The following CBFA2T2 variants were observed in gnomAD, a reference collection of about 807,000 sequenced individuals.
The protein encoded by CBFA2T2 is CBFA2/RUNX1 partner transcriptional co-repressor 2, also known as protein CBFA2T2.
Under a neutral mutation model 62.2 loss-of-function variants are expected in CBFA2T2, and 11 were observed. That is an observed-to-expected ratio of 0.18 (90% CI 0.11 to 0.29). The LOEUF (loss-of-function observed/expected upper bound fraction) is 0.29. Ranked by LOEUF, CBFA2T2 falls within the 10% of genes least tolerant of loss-of-function variation. The pLI, the probability that CBFA2T2 is intolerant of heterozygous loss-of-function variation, is 1.00. For synonymous variants in CBFA2T2, 295 were observed against 287.5 expected (o/e 1.03, Z -0.27); for missense variants, 592 against 774.1 (o/e 0.76, Z 2.79).
At chr20:33,581,132 C>T (rs970719245) in intron 1 of CBFA2T2, among the ~76,000 whole-genome samples, 4 of 151,722 alleles carry the variant, frequency 2.6e-5, no homozygotes, top group East Asian at 1.9e-4. Context: ...GGCGTGATCT[C>T]GGTGCACTGA....
chr20:33,503,976 C>T (rs1001013268), intron 1 of CBFA2T2, among the ~76,000 whole-genome samples: 7 of 152,058 alleles, frequency 4.6e-5, no homozygotes, highest in African/African-American at 1.7e-4. Context: ...TTCATTCTTC[C>T]TGTAAGTTTT....
chr20:33,507,510 C>G (rs1380290821), intron 1 of CBFA2T2, among the ~76,000 whole-genome samples: 2 of 152,170 alleles, frequency 1.3e-5, no homozygotes, highest in African/African-American at 4.8e-5. Context: ...GCTAATTTAA[C>G]ATTTGAAACG....
chr20:33,491,588 G>A (rs2011146788), intron 1 of CBFA2T2, among the ~76,000 whole-genome samples: 2 of 152,142 alleles, frequency 1.3e-5, no homozygotes, highest in South Asian at 4.1e-4. Context: ...GATACACCCA[G>A]CTTGCAGTTA....
At chr20:33,591,228 A>G (rs996831790) in intron 1 of CBFA2T2, among the ~76,000 whole-genome samples, 19 of 148,510 alleles carry the variant, frequency 1.3e-4, no homozygotes, top group Non-Finnish European at 2.1e-4. Flanking sequence ...TCACACCTAT[A>G]ATTCCAGTGC....
intron 1 of CBFA2T2, among the ~76,000 whole-genome samples, chr20:33,587,400 G>A (rs2014418789): frequency 6.6e-6 from 1 of 152,186 alleles, no homozygotes; most frequent in South Asian, 2.1e-4. Context: ...CCGAGTAGCT[G>A]GGACTACAGG....
At chr20:33,522,329 C>T (rs948841842) in intron 1 of CBFA2T2, among the ~76,000 whole-genome samples, 7 of 146,938 alleles carry the variant, frequency 4.8e-5, no homozygotes, top group Non-Finnish European at 1.5e-5. Context: ...GGATCAAATT[C>T]AGTGATAGTT....
chr20:33,643,610 A>G (rs2016929394), intron 10 of CBFA2T2, among the ~76,000 whole-genome samples: 2 of 151,216 alleles, frequency 1.3e-5, no homozygotes, highest in Admixed American at 1.3e-4. Flanking sequence ...ATCAGTAAAA[A>G]CAATGAAGAT....
intron 2 of CBFA2T2, among the ~76,000 whole-genome samples, chr20:33,608,882 A>T (rs952507281): frequency 2.0e-5 from 3 of 152,242 alleles, no homozygotes; most frequent in Non-Finnish European, 2.9e-5. Context: ...TCCAATGGCA[A>T]TTGACCTTTC....
chr20:33,515,438 C>T (rs1224091210), intron 1 of CBFA2T2, among the ~76,000 whole-genome samples: 1 of 151,292 alleles, frequency 6.6e-6, no homozygotes, highest in Non-Finnish European at 1.5e-5. Context: ...GTATCCTGCT[C>T]AATGAGGGAT....
intron 1 of CBFA2T2, among the ~76,000 whole-genome samples, chr20:33,508,265 T>G (rs971392358): frequency 6.6e-6 from 1 of 152,030 alleles, no homozygotes; most frequent in Non-Finnish European, 1.5e-5. Context: ...TGGCTAATTT[T>G]TGTGTTTTTG....
chr20:33,616,331 T>G (rs1378832947), intron 3 of CBFA2T2, among the ~76,000 whole-genome samples: 1 of 152,200 alleles, frequency 6.6e-6, no homozygotes, highest in Non-Finnish European at 1.5e-5. Flanking sequence ...CCAATTTTTA[T>G]TATAAACCAG....
At chr20:33,506,101 A>T (rs2011398174) in intron 1 of CBFA2T2, among the ~76,000 whole-genome samples, 1 of 152,150 alleles carries the variant, frequency 6.6e-6, no homozygotes, top group South Asian at 2.1e-4. Context: ...AAAAATAAAA[A>T]TAAAAAAAGA....
At chr20:33,605,559 T>A (rs551105810) in intron 1 of CBFA2T2, among the ~76,000 whole-genome samples, 2 of 152,340 alleles carry the variant, frequency 1.3e-5, no homozygotes, top group East Asian at 3.9e-4. Context: ...CCTACCTAAT[T>A]GCAGCATCAT....
intron 1 of CBFA2T2, among the ~76,000 whole-genome samples, chr20:33,543,213 A>G (rs2012452996): frequency 6.6e-6 from 1 of 150,560 alleles, no homozygotes; most frequent in African/African-American, 2.5e-5. Context: ...GGGTTTCACC[A>G]TGTTGGTCAG....
At chr20:33,630,987 T>C (rs962942437) in intron 8 of CBFA2T2, among the ~76,000 whole-genome samples, 10 of 152,248 alleles carry the variant, frequency 6.6e-5, no homozygotes, top group Non-Finnish European at 1.3e-4. Context: ...TCAACACATA[T>C]GTAGAGTTAT....
chr20:33,493,674 A>G (rs2011166070), intron 1 of CBFA2T2, among the ~76,000 whole-genome samples: 1 of 151,506 alleles, frequency 6.6e-6, no homozygotes, highest in Non-Finnish European at 1.5e-5. Context: ...CTAATTGTTT[A>G]AAAAGTTTTG....
At chr20:33,622,332 T>A (rs1481943085) in intron 4 of CBFA2T2, among the ~76,000 whole-genome samples, 1 of 152,224 alleles carries the variant, frequency 6.6e-6, no homozygotes, top group African/African-American at 2.4e-5. Flanking sequence ...AAACTCTCCT[T>A]TCACTTGCTC....
At chr20:33,616,082 TAGA>T (rs2015697384) in intron 3 of CBFA2T2, among the ~76,000 whole-genome samples, 1 of 68,610 alleles carries the variant, frequency 1.5e-5, no homozygotes, top group Non-Finnish European at 3.1e-5. Context: ...TAGATAGAGA[TAGA>T]TAGATAGATA....
At chr20:33,540,700 G>C (rs1472390016) in intron 1 of CBFA2T2, among the ~76,000 whole-genome samples, 1 of 152,148 alleles carries the variant, frequency 6.6e-6, no homozygotes, top group African/African-American at 2.4e-5. Flanking sequence ...GATGATGCAA[G>C]GGTACTTTTA....
Sources: gnomAD v4.1 joint callset for allele counts (sites outside exome capture counted in the v4.1 genomes callset) on GRCh38, gnomAD v4.1.1 for gene constraint, MANE v1.5 for transcripts, NCBI Gene and HGNC (gene_info 2026-07-23, HGNC 2026-07-21) for gene names.